The following ATF1 variants were observed in gnomAD, a reference collection of about 807,000 sequenced individuals.
ATF1 encodes the protein activating transcription factor 1, also known as cyclic AMP-dependent transcription factor ATF-1.
A neutral mutation model predicts 34.7 loss-of-function variants in ATF1; 16 were observed. That is an observed-to-expected ratio of 0.46 (90% CI 0.31 to 0.70). The LOEUF (loss-of-function observed/expected upper bound fraction) is 0.70, where lower values mean the gene tolerates loss of function less well. Ranked by LOEUF, ATF1 falls within the 30% of genes least tolerant of loss-of-function variation. ATF1 has a pLI of 0.05. For synonymous variants in ATF1, 105 were observed against 113.1 expected (o/e 0.93, Z 0.46); for missense variants, 255 against 321.6 (o/e 0.79, Z 1.58).
At chr12:50,799,485 A>G (rs1592191159) in intron 3 of ATF1, among the ~76,000 whole-genome samples, 1 of 152,214 alleles carries the variant, frequency 6.6e-6, no homozygotes, top group Non-Finnish European at 1.5e-5. Context: ...ATTACTTGGT[A>G]TCAAAGAACA....
intron 4 of ATF1, among the ~76,000 whole-genome samples, chr12:50,809,892 G>A (rs1266338025): frequency 6.6e-6 from 1 of 152,196 alleles, no homozygotes; most frequent in African/African-American, 2.4e-5. Flanking sequence ...GGAGTGCAGT[G>A]GCACAATCTT....
At chr12:50,812,636 CAA>C (rs1360264738) in intron 4 of ATF1, among the ~76,000 whole-genome samples, 1 of 151,972 alleles carries the variant, frequency 6.6e-6, no homozygotes, top group Non-Finnish European at 1.5e-5. Flanking sequence ...CCAGACTGGG[CAA>C]TATAGGGAGA....
At chr12:50,813,165 T>G (rs1049590499) in intron 4 of ATF1, among the ~76,000 whole-genome samples, 1 of 152,210 alleles carries the variant, frequency 6.6e-6, no homozygotes, top group Non-Finnish European at 1.5e-5. Flanking sequence ...CAGGTATAAT[T>G]CAGTGAAAAA....
chr12:50,773,688 C>T (rs112520213), intron 1 of ATF1, among the ~76,000 whole-genome samples: 3,910 of 152,028 alleles, frequency 0.026, 170 homozygotes, highest in African/African-American at 0.089. Flanking sequence ...CTCCTGGGTT[C>T]AGGCGATTCT....
At chr12:50,816,314 A>G (rs1326733993) in intron 6 of ATF1, among the ~76,000 whole-genome samples, 4 of 151,106 alleles carry the variant, frequency 2.6e-5, no homozygotes, top group African/African-American at 9.7e-5. Context: ...GCAAGACCCT[A>G]TCTCAAGAAA....
intron 1 of ATF1, among the ~76,000 whole-genome samples, chr12:50,777,907 A>G (rs1159587783): frequency 1.3e-5 from 2 of 151,370 alleles, no homozygotes; most frequent in African/African-American, 4.9e-5. Flanking sequence ...CTAATTGTGG[A>G]GAAATATACG....
At chr12:50,814,866 G>A (rs947022532) in intron 6 of ATF1, among the ~76,000 whole-genome samples, 26 of 149,064 alleles carry the variant, frequency 1.7e-4, no homozygotes, top group African/African-American at 6.2e-4. Flanking sequence ...AGGCATGGTG[G>A]CTCACGCCTG....
chr12:50,782,008 T>G (rs886910376), intron 2 of ATF1, among the ~76,000 whole-genome samples: 2 of 152,020 alleles, frequency 1.3e-5, no homozygotes, highest in African/African-American at 2.4e-5. Flanking sequence ...ATACACAAAG[T>G]TCAGACTGTA....
chr12:50,798,658 C>T (rs1437454727), intron 3 of ATF1, among the ~76,000 whole-genome samples: 1 of 152,118 alleles, frequency 6.6e-6, no homozygotes, highest in African/African-American at 2.4e-5. Flanking sequence ...AAGGCTATAA[C>T]ATCTGAAAAG....
At chr12:50,806,935 A>G (rs1181134210) in intron 3 of ATF1, among the ~76,000 whole-genome samples, 5 of 152,220 alleles carry the variant, frequency 3.3e-5, no homozygotes, top group Non-Finnish European at 7.3e-5. Flanking sequence ...CTCTTAATAT[A>G]GTCTACAGTT....
intron 2 of ATF1, among the ~76,000 whole-genome samples, chr12:50,787,775 G>A (rs1189423239): frequency 1.3e-5 from 2 of 152,090 alleles, no homozygotes; most frequent in Non-Finnish European, 2.9e-5. Context: ...TGAAGTATAT[G>A]TTTGGGTTTA....
intron 2 of ATF1, among the ~76,000 whole-genome samples, chr12:50,792,236 C>T (rs758207553): frequency 6.6e-6 from 1 of 152,178 alleles, no homozygotes; most frequent in Non-Finnish European, 1.5e-5. Flanking sequence ...TTTGTACTCT[C>T]AATCCCTAGT....
chr12:50,814,377 C>G lies in ATF1; in HGVS notation c.609C>G (p.Thr203=). The change falls in exon 6 of 7, where the codon ACC becomes ACG. Residue 203 remains threonine (T), a synonymous_variant. Transcript: ENST00000262053. The part of the protein sequence containing the change: ...TVVMTSPVTL[T]SQTTKTDDPQ... ...TGATGACATCTCCTGTGACTCTCAC[C>G]TCTCAGACAACTAAGACAGATGACC... is the stretch of plus-strand genomic sequence containing the variant. 1 of 1,614,126 alleles carries G rather than the reference C, an allele frequency of 6.2e-7. No individual in the cohort carries two copies. Among genetic ancestry groups the G allele is most frequent in the Non-Finnish European group, 8.5e-7 (1 of 1,179,990 alleles).
intron 2 of ATF1, among the ~76,000 whole-genome samples, chr12:50,790,130 C>T (rs934810429): frequency 4.0e-5 from 6 of 151,164 alleles, no homozygotes; most frequent in African/African-American, 4.9e-5. Context: ...GGTGGGGAGA[C>T]GTTTTGTTAA....
intron 3 of ATF1, among the ~76,000 whole-genome samples, chr12:50,797,528 G>T (rs1941431894): frequency 6.6e-6 from 1 of 152,132 alleles, no homozygotes; most frequent in African/African-American, 2.4e-5. Context: ...GCCTGGGCTG[G>T]AGTGCAGTGG....
chr12:50,819,496 TTAAGA>T, intron 6 of ATF1, 134 bp from the exon 7 acceptor site: 1 of 978,504 alleles, frequency 1.0e-6, no homozygotes. Flanking sequence ...AATTCTACAC[TTAAGA>T]TCTATGTATT....
At position 50,814,308 on chromosome 12, in the gene ATF1, G is replaced by C; in HGVS notation, c.540G>C (p.Gln180His). The change falls in exon 6 of 7, where the codon CAG becomes CAC. Residue 180 changes from glutamine to histidine, a missense_variant. Around this residue, in one of 2 missense-constraint regions of ATF1, gnomAD observed 221 missense variants for 250.7 expected, o/e 0.88. Transcript: ENST00000262053. ...QTASGDMQTYQIRTTPSATSL... is the reference protein window; with the variant it reads ...QTASGDMQTYHIRTTPSATSL... Reference sequence around the variant, plus strand: ...CATCAGGAGATATGCAAACATATCAGATCCGAACTACACCTTCAGCTACTT... The same window carrying C: ...CATCAGGAGATATGCAAACATATCACATCCGAACTACACCTTCAGCTACTT... The C allele has an allele frequency of 1.9e-6, 3 of 1,614,160 alleles. No homozygotes were observed. Among genetic ancestry groups the C allele is most frequent in the Middle Eastern group, 1.6e-4 (1 of 6,062 alleles).
At chr12:50,804,011 A>C (rs12316619) in intron 3 of ATF1, among the ~76,000 whole-genome samples, 11,319 of 152,226 alleles carry the variant, frequency 0.074, 1,385 homozygotes, top group African/African-American at 0.26. Flanking sequence ...AAAGTGTTCT[A>C]AAATTAGATT....
intron 3 of ATF1, among the ~76,000 whole-genome samples, chr12:50,804,834 C>T (rs1000347612): frequency 4.1e-5 from 6 of 147,460 alleles, no homozygotes; most frequent in South Asian, 2.1e-4. Flanking sequence ...TTTCCCGAGA[C>T]GGAGTCTCAC....
Sources: gnomAD v4.1 joint callset for allele counts (sites outside exome capture counted in the v4.1 genomes callset) on GRCh38, gnomAD v4.1.1 for gene constraint, gnomAD v4.1.1 regional missense constraint, MANE v1.5 for transcripts, NCBI Gene and HGNC (gene_info 2026-07-23, HGNC 2026-07-21) for gene names.